The following PTBP3 variants were observed in gnomAD, a reference collection of about 807,000 sequenced individuals.
PTBP3 encodes polypyrimidine tract binding protein 3, also known as polypyrimidine tract-binding protein 3.
PTBP3 carries 20 observed loss-of-function variants against 58.7 expected under a neutral mutation model. The ratio of observed to expected loss-of-function variants is 0.34; its 90% CI spans 0.24 to 0.50. The LOEUF (loss-of-function observed/expected upper bound fraction) is 0.50, where lower values mean the gene tolerates loss of function less well. Ranked by LOEUF, PTBP3 falls within the 20% of genes least tolerant of loss-of-function variation. PTBP3 has a pLI of 0.98. For missense variants in PTBP3, 509 were observed against 637.2 expected (o/e 0.80, Z 2.17); for synonymous variants, 185 against 219.8 (o/e 0.84, Z 1.40).
chr9:112,250,346 A>G (rs997877270), intron 7 of PTBP3, among the ~76,000 whole-genome samples: 2 of 152,124 alleles, frequency 1.3e-5, no homozygotes, highest in African/African-American at 2.4e-5. Context: ...TTTCCTTAAG[A>G]GGTTTACTTT....
At chr9:112,269,128 C>T (rs1297118733) in intron 3 of PTBP3, among the ~76,000 whole-genome samples, 3 of 143,990 alleles carry the variant, frequency 2.1e-5, no homozygotes, top group Non-Finnish European at 4.5e-5. Flanking sequence ...ACCCAGGAGG[C>T]GGAGGTTGCA....
chr9:112,221,015 C>T lies in PTBP3; in HGVS notation c.*2836G>A. Reference sequence around the variant, plus strand: ...CTGATATTTTTTAATCTTTTTTTTACAAAAACTATGCCAACACAAATACTG... The same window carrying T: ...CTGATATTTTTTAATCTTTTTTTTATAAAAACTATGCCAACACAAATACTG... On this transcript the variant is annotated 3_prime_UTR_variant, in exon 14 of 14. Coordinates refer to ENST00000374257, the MANE Select transcript of PTBP3 (RefSeq NM_001163788.4). 1 of 976,832 alleles carries T rather than the reference C, an allele frequency of 1.0e-6. No individual in the cohort carries two copies. The highest frequency in any genetic ancestry group is 1.2e-6 in the Non-Finnish European group (1 of 822,328). 60.5% of individuals were successfully genotyped at this position (976,832 alleles called of 1,614,324 possible). A position where few individuals can be genotyped will look rare whatever the true frequency, so the allele number is the denominator to read the frequency against.
chr9:112,378,535 C>T, the PTBP3 span, among the ~76,000 whole-genome samples: 1 of 152,300 alleles, frequency 6.6e-6, no homozygotes, highest in African/African-American at 2.4e-5. Context: ...AATGTCACCC[C>T]GTTACTAAGA....
At position 112,314,468 on chromosome 9, in the gene PTBP3, G is replaced by A. The variant is rs190969792; in HGVS notation, c.-51-16552C>T. Among the ~76,000 whole-genome samples the A allele has an allele frequency of 1.2e-3, 186 of 152,250 alleles. 1 individual carries two copies. Among genetic ancestry groups the A allele is most frequent in the Non-Finnish European group, 2.3e-3 (154 of 68,012 alleles). On this transcript the variant is annotated intron_variant, in intron 1 of 13. Coordinates refer to ENST00000374257, the MANE Select transcript of PTBP3 (RefSeq NM_001163788.4). ...CCCAGCACTTTGAGAGGTCAAAGTGGGAGGTTCGCTTGAGCCCAGAAGTTT... is the reference window on the plus strand; with the variant it reads ...CCCAGCACTTTGAGAGGTCAAAGTGAGAGGTTCGCTTGAGCCCAGAAGTTT...
chr9:112,247,495 G>C (rs537911887), intron 7 of PTBP3, among the ~76,000 whole-genome samples: 106 of 151,298 alleles, frequency 7.0e-4, no homozygotes, highest in Middle Eastern at 3.4e-3. Flanking sequence ...CTTGAGCCCA[G>C]GAGTTTGAGA....
intron 8 of PTBP3, 49 bp from the exon 9 acceptor site, chr9:112,232,287 GT>G (rs1188234217): frequency 1.4e-6 from 2 of 1,455,928 alleles, no homozygotes; most frequent in Non-Finnish European, 1.9e-6. Context: ...TTGAAGAACT[GT>G]AACACTTGAT....
chr9:112,365,253 T>C, the PTBP3 span, among the ~76,000 whole-genome samples: 6 of 152,230 alleles, frequency 3.9e-5, no homozygotes, highest in Admixed American at 6.5e-5. Flanking sequence ...CTGATATGGT[T>C]TGGCTCTGTG....
At chr9:112,282,491 T>C (rs1055568093) in intron 2 of PTBP3, among the ~76,000 whole-genome samples, 4 of 152,168 alleles carry the variant, frequency 2.6e-5, no homozygotes, top group Admixed American at 1.3e-4. Flanking sequence ...TTTTCTAATA[T>C]AAACATTTAA....
chr9:112,329,188 A>C (rs1564468534), intron 1 of PTBP3, among the ~76,000 whole-genome samples: 1 of 152,178 alleles, frequency 6.6e-6, no homozygotes, highest in Non-Finnish European at 1.5e-5. Flanking sequence ...AGGAGGGCGG[A>C]TCACCTGAGG....
intron 8 of PTBP3, 70 bp from the exon 9 acceptor site, chr9:112,232,308 G>A: frequency 7.3e-7 from 1 of 1,374,084 alleles, no homozygotes; most frequent in Non-Finnish European, 9.8e-7. Flanking sequence ...TACAATTTAA[G>A]TAAATAAAGA....
chr9:112,250,570 A>G (rs1031490922), intron 7 of PTBP3, among the ~76,000 whole-genome samples: 7 of 152,178 alleles, frequency 4.6e-5, no homozygotes, highest in Non-Finnish European at 1.0e-4. Flanking sequence ...TAAAAAAGGA[A>G]AAGTATTTTT....
chr9:112,230,035 G>A (rs537769263), intron 10 of PTBP3, among the ~76,000 whole-genome samples: 27 of 152,102 alleles, frequency 1.8e-4, no homozygotes, highest in Admixed American at 1.6e-3. Flanking sequence ...AATTTCTCTC[G>A]GGCGTTGAAA....
At chr9:112,232,499 T>C (rs941529660) in intron 8 of PTBP3, among the ~76,000 whole-genome samples, 9 of 152,178 alleles carry the variant, frequency 5.9e-5, no homozygotes, top group Admixed American at 4.6e-4. Flanking sequence ...GGCCTAACGC[T>C]ATTAGGCTTT....
At chr9:112,242,641 T>TC (rs1835705339) in intron 7 of PTBP3, 1 of 152,182 alleles carries the variant, frequency 6.6e-6, no homozygotes, top group Non-Finnish European at 1.5e-5. Flanking sequence ...AGTTTTGACC[T>TC]CCTCTGTTTC....
intron 7 of PTBP3, among the ~76,000 whole-genome samples, chr9:112,246,390 A>C (rs1835877317): frequency 6.6e-6 from 1 of 152,102 alleles, no homozygotes; most frequent in Non-Finnish European, 1.5e-5. Context: ...AATTTTGGCA[A>C]CAGATGTGAA....
chr9:112,252,486 G>A (rs1425359299), intron 6 of PTBP3, 192 bp downstream of exon 6: 50 of 557,646 alleles, frequency 9.0e-5, no homozygotes, highest in Non-Finnish European at 8.8e-5. Context: ...ATTTGAGACC[G>A]TTTCATATGA....
intron 7 of PTBP3, among the ~76,000 whole-genome samples, chr9:112,249,813 T>TCCC (rs1471482509): frequency 3.2e-5 from 4 of 123,780 alleles, no homozygotes; most frequent in African/African-American, 1.6e-4. Flanking sequence ...AAACTTTAAT[T>TCCC]TGCCCCAGTA....
chr9:112,232,009 G>GAA (rs1564391767), intron 9 of PTBP3, 90 bp downstream of exon 9: 1 of 740,774 alleles, frequency 1.3e-6, no homozygotes, highest in Admixed American at 4.8e-5. Context: ...GAGAAGAGAA[G>GAA]AGAAGAGAAG....
chr9:112,279,016 C>A (rs1223074898), intron 2 of PTBP3, among the ~76,000 whole-genome samples: 3 of 151,776 alleles, frequency 2.0e-5, no homozygotes, highest in Non-Finnish European at 1.5e-5. Context: ...AAGAATTTGC[C>A]CCAAATTAAC....
Sources: gnomAD v4.1 joint callset for allele counts (sites outside exome capture counted in the v4.1 genomes callset) on GRCh38, gnomAD v4.1.1 for gene constraint, MANE v1.5 for transcripts, NCBI Gene and HGNC (gene_info 2026-07-23, HGNC 2026-07-21) for gene names.